Variants in MSR1 observed in about 807,000 individuals in gnomAD.
MSR1 encodes macrophage scavenger receptor types I and II.
In MSR1, 53 loss-of-function variants were observed where a neutral mutation model predicts 47.2. That is an observed-to-expected ratio of 1.12 (90% CI 0.90 to 1.41). The LOEUF is 1.41. MSR1 is among the 40% of genes most tolerant of loss of function. The pLI is 0.00. For synonymous variants in MSR1, 239 were observed against 185.6 expected, an observed-to-expected ratio of 1.29 and a Z score of -2.34; for missense variants, 786 against 546.9, an observed-to-expected ratio of 1.44 and a Z score of -4.36.
intron 3 of MSR1, among the ~76,000 whole-genome samples, chr8:16,169,795 T>G (rs1801428678): frequency 6.6e-6 from 1 of 152,076 alleles, no homozygotes; most frequent in African/African-American, 2.4e-5. Flanking sequence ...CTGCCAGATT[T>G]ATTTAAAAAA....
intron 7 of MSR1, among the ~76,000 whole-genome samples, chr8:16,146,977 T>C (rs953990338): frequency 6.6e-6 from 1 of 152,296 alleles, no homozygotes; most frequent in Non-Finnish European, 1.5e-5. Context: ...TATGGTGTAA[T>C]ATTTTAGATA....
chr8:16,187,044 G>C (rs1259038941), intron 1 of MSR1, among the ~76,000 whole-genome samples: 1 of 151,882 alleles, frequency 6.6e-6, no homozygotes, highest in Non-Finnish European at 1.5e-5. Context: ...CAAAGCCCCT[G>C]AATGCCTTCT....
chr8:16,111,613 T>A (rs1799757768), intron 9 of MSR1, among the ~76,000 whole-genome samples: 1 of 151,714 alleles, frequency 6.6e-6, no homozygotes, highest in Non-Finnish European at 1.5e-5. Flanking sequence ...TGCTGACATG[T>A]AAGCACATGT....
At chr8:16,142,330 AAAACAAAC>A (rs570790504) in intron 8 of MSR1, among the ~76,000 whole-genome samples, 2 of 152,132 alleles carry the variant, frequency 1.3e-5, no homozygotes, top group African/African-American at 2.4e-5. Context: ...ACTCCATCTC[AAAACAAAC>A]AAACAAACAA....
At chr8:16,189,427 A>T (rs1476729706) in intron 1 of MSR1, among the ~76,000 whole-genome samples, 1 of 82,110 alleles carries the variant, frequency 1.2e-5, no homozygotes, top group African/African-American at 8.3e-5. Flanking sequence ...TATATATATA[A>T]AATCATATTT....
intron 1 of MSR1, among the ~76,000 whole-genome samples, chr8:16,185,078 C>T (rs1169898073): frequency 6.6e-6 from 1 of 151,676 alleles, no homozygotes; most frequent in Non-Finnish European, 1.5e-5. Context: ...CATGGGAAGT[C>T]TGTTTGCTTT....
chr8:16,155,711 G>C (rs143096395), intron 5 of MSR1, among the ~76,000 whole-genome samples: 2 of 151,908 alleles, frequency 1.3e-5, no homozygotes, highest in Non-Finnish European at 2.9e-5. Context: ...TAGGATATGA[G>C]GGGTACTTTC....
chr8:16,142,863 G>C (rs150869591), intron 8 of MSR1, among the ~76,000 whole-genome samples: 1 of 152,042 alleles, frequency 6.6e-6, no homozygotes, highest in Non-Finnish European at 1.5e-5. Context: ...CTGATTCTGA[G>C]AAGTTAAGTG....
At chr8:16,166,960 CA>C (rs1801330578) in intron 4 of MSR1, among the ~76,000 whole-genome samples, 1 of 152,000 alleles carries the variant, frequency 6.6e-6, no homozygotes, top group African/African-American at 2.4e-5. Flanking sequence ...CACACACACA[CA>C]CACACACATG....
Position 16,150,234 on chromosome 8 carries a change from G to C in MSR1, c.976C>G (p.Pro326Ala). 6.6e-7 allele frequency: 1 copy of C among 1,519,532 alleles called. No individual in the cohort carries two copies. Among genetic ancestry groups the C allele is most frequent in the Non-Finnish European group, 8.9e-7 (1 of 1,126,656 alleles). The allele number at this position is 1,519,532 out of a possible 1,614,324, so 94.1% of individuals were successfully genotyped here. The change falls in exon 7 of 10, where the codon CCA (proline) becomes GCA (alanine). Residue 326 changes from proline (P) to alanine (A), a missense_variant. Physicochemically the swap from Pro to Ala is conservative, Grantham distance 27. Coordinates refer to ENST00000262101, the MANE Select transcript of MSR1 (RefSeq NM_138715.3). ...AAAATACACATTATTGTAATACCTG[G>C]CCTTCCGGCATATCCTGGGAGTCCT... Reference protein sequence around the residue: ...SRGLPGYAGRPGNSGPKGQKG... With the variant: ...SRGLPGYAGRAGNSGPKGQKG...
At chr8:16,158,673 T>C (rs1041870231) in intron 5 of MSR1, among the ~76,000 whole-genome samples, 1 of 151,960 alleles carries the variant, frequency 6.6e-6, no homozygotes. Context: ...TAGATATGTT[T>C]AATCTGGAAG....
At position 16,142,981 on chromosome 8, in the gene MSR1, T is replaced by C. The variant is rs35518022; in HGVS notation, c.1033+577A>G. Among the ~76,000 whole-genome samples the C allele has an allele frequency of 9.7e-3, 1,470 of 152,244 alleles. 22 individuals are homozygous for C. The highest frequency in any genetic ancestry group is 0.033 in the African/African-American group (1,374 of 41,540). ...CAAATAGAAGACATCTCATCTAATA[T>C]TTAGTATTTAAGGTCCAATTAACAG... is the stretch of plus-strand genomic sequence containing the variant. On this transcript the variant is annotated intron_variant, in intron 8 of 9. Transcript: ENST00000262101.
intron 9 of MSR1, among the ~76,000 whole-genome samples, chr8:16,112,352 G>A (rs1450101513): frequency 2.0e-5 from 3 of 152,130 alleles, no homozygotes; most frequent in Admixed American, 1.3e-4. Flanking sequence ...CTGAGACTGA[G>A]AAAGGGTGTA....
chr8:16,190,666 G>A (rs982734998), intron 1 of MSR1, among the ~76,000 whole-genome samples: 3 of 151,108 alleles, frequency 2.0e-5, no homozygotes, highest in Admixed American at 6.6e-5. Context: ...ACATGCATTC[G>A]TTTTCCTAAG....
At chr8:16,110,418 A>C (rs545640721) in intron 9 of MSR1, among the ~76,000 whole-genome samples, 200 bp from the exon 10 acceptor site, 3 of 152,304 alleles carry the variant, frequency 2.0e-5, no homozygotes, top group African/African-American at 7.2e-5. Context: ...CATGTAAACT[A>C]CTAAAATGCA....
Position 16,168,658 on chromosome 8 carries a change from A to T in MSR1, c.430T>A (p.Phe144Ile), listed in dbSNP as rs189110338. 20 of 1,614,086 alleles carry T rather than the reference A, an allele frequency of 1.2e-5. No individual in the cohort carries two copies. The East Asian group carries it at 4.0e-4, about 32-fold the overall frequency. The change falls in exon 4 of 10, where the codon TTC becomes ATC. Residue 144 changes from phenylalanine to isoleucine, a missense_variant. Physicochemically the swap from Phe to Ile is conservative, Grantham distance 21. Transcript: ENST00000262101. ...AATCTTTGATCAGTTGTCATGCTGA[A>T]ATTTTGGAAATGCTCTGTGTCCATG... ...NLMDTEHFQNFSMTTDQRFND... is the reference protein window; with the variant it reads ...NLMDTEHFQNISMTTDQRFND...
chr8:16,140,064 G>C (rs572068767), intron 8 of MSR1: 6 of 864,100 alleles, frequency 6.9e-6, no homozygotes, highest in Non-Finnish European at 8.2e-6. Context: ...GCTCATGGAG[G>C]TACATAATGG....
chr8:16,155,318 T>TAATG (rs1165596022), intron 5 of MSR1, among the ~76,000 whole-genome samples, 174 bp from the exon 6 acceptor site: 1 of 152,002 alleles, frequency 6.6e-6, no homozygotes, highest in Non-Finnish European at 1.5e-5. Flanking sequence ...TTCAGGAATA[T>TAATG]AATGCCCTAT....
chr8:16,139,561 T>C (rs1343304635), intron 8 of MSR1: 1 of 982,660 alleles, frequency 1.0e-6, no homozygotes, highest in Non-Finnish European at 1.2e-6. Context: ...AGTCTGTTGA[T>C]CAGTAGAGAG....
Sources: gnomAD v4.1 joint callset for allele counts (sites outside exome capture counted in the v4.1 genomes callset) on GRCh38, gnomAD v4.1.1 for gene constraint, MANE v1.5 for transcripts, NCBI Gene and HGNC (gene_info 2026-07-23, HGNC 2026-07-21) for gene names.